The following SUGCT variants were observed in gnomAD, a reference collection of about 807,000 sequenced individuals.
SUGCT encodes succinyl-CoA:glutarate-CoA transferase.
Under a neutral mutation model 55.0 loss-of-function variants are expected in SUGCT, and 41 were observed. The observed-to-expected ratio is 0.74, with a 90% confidence interval of 0.58 to 0.97. SUGCT has a LOEUF of 0.97. Ranked by LOEUF, SUGCT falls within the 50% of genes least tolerant of loss-of-function variation. The probability of loss-of-function intolerance (pLI) is 0.00; values close to 1 mark genes in which losing one functional copy is unlikely to be tolerated. For missense variants in SUGCT, 568 were observed against 547.8 expected (o/e 1.04, Z -0.37); for synonymous variants, 187 against 200.4 (o/e 0.93, Z 0.56).
intron 13 of SUGCT, among the ~76,000 whole-genome samples, chr7:40,845,389 C>A (rs1175996380): frequency 6.6e-6 from 1 of 152,144 alleles, no homozygotes; most frequent in Admixed American, 6.5e-5. Context: ...ACCCACACAG[C>A]CTCAGGTCCA....
chr7:40,356,046 A>G (rs575473661), intron 9 of SUGCT, among the ~76,000 whole-genome samples: 24 of 152,372 alleles, frequency 1.6e-4, no homozygotes, highest in African/African-American at 5.5e-4. Context: ...TGGATTTTGA[A>G]ATATGGAAAT....
At chr7:40,877,772 G>A in the SUGCT span, among the ~76,000 whole-genome samples, 1 of 152,212 alleles carries the variant, frequency 6.6e-6, no homozygotes, top group Non-Finnish European at 1.5e-5. Context: ...TCCATATGCT[G>A]CTGAATCTTC....
At chr7:40,270,150 A>AG (rs1281298970) in intron 7 of SUGCT, among the ~76,000 whole-genome samples, 1 of 151,874 alleles carries the variant, frequency 6.6e-6, no homozygotes, top group Non-Finnish European at 1.5e-5. Context: ...AAAAAAAAAA[A>AG]AAAAAGAAAT....
intron 11 of SUGCT, among the ~76,000 whole-genome samples, chr7:40,485,417 C>CTTTTTTTTTTTTTT (rs397889166): frequency 1.2e-4 from 9 of 74,444 alleles, no homozygotes; most frequent in East Asian, 4.3e-4. Context: ...TATATACATT[C>CTTTTTTTTTTTTTT]TTTTTTTTTT....
intron 1 of SUGCT, among the ~76,000 whole-genome samples, chr7:40,175,446 C>G (rs989489803): frequency 1.3e-5 from 2 of 152,174 alleles, no homozygotes; most frequent in Non-Finnish European, 2.9e-5. Context: ...TCTCTGACTC[C>G]TGACCTTAAG....
the SUGCT span, among the ~76,000 whole-genome samples, chr7:40,882,995 T>G: frequency 6.6e-6 from 1 of 152,202 alleles, no homozygotes; most frequent in Non-Finnish European, 1.5e-5. Context: ...TTTCTCCTCC[T>G]TCTTCCTAGG....
chr7:40,242,933 A>ATATATATATATATATGTATATT (rs1270335224), intron 7 of SUGCT, among the ~76,000 whole-genome samples: 2 of 17,204 alleles, frequency 1.2e-4, no homozygotes, highest in African/African-American at 3.0e-4. Flanking sequence ...ATATATATAT[A>ATATATATATATATATGTATATT]TTTTTTTTTT....
At chr7:40,661,116 A>T (rs1458544037) in intron 12 of SUGCT, among the ~76,000 whole-genome samples, 1 of 152,232 alleles carries the variant, frequency 6.6e-6, no homozygotes, top group East Asian at 1.9e-4. Context: ...GATGGACTAG[A>T]GGACTCACTT....
chr7:40,439,257 G>A (rs529283382), intron 9 of SUGCT, among the ~76,000 whole-genome samples: 102 of 150,044 alleles, frequency 6.8e-4, no homozygotes, highest in South Asian at 2.1e-3. Flanking sequence ...ACCATCCATC[G>A]TCTCTTGTTC....
intron 9 of SUGCT, among the ~76,000 whole-genome samples, chr7:40,440,387 C>T (rs1483171364): frequency 6.6e-6 from 1 of 151,960 alleles, no homozygotes; most frequent in East Asian, 1.9e-4. Flanking sequence ...TCTCAAACTC[C>T]TGGACTTAAG....
intron 9 of SUGCT, among the ~76,000 whole-genome samples, chr7:40,318,231 T>A (rs1330939054): frequency 6.6e-6 from 1 of 152,204 alleles, no homozygotes; most frequent in Non-Finnish European, 1.5e-5. Flanking sequence ...CTGCTACCTT[T>A]GATAAGAAAA....
At chr7:40,951,530 T>G in the SUGCT span, among the ~76,000 whole-genome samples, 1 of 152,216 alleles carries the variant, frequency 6.6e-6, no homozygotes, top group South Asian at 2.1e-4. Context: ...TCTCTAGTTC[T>G]TTTAATTGTG....
the SUGCT span, among the ~76,000 whole-genome samples, chr7:40,979,069 C>T: frequency 6.6e-6 from 1 of 152,138 alleles, no homozygotes; most frequent in Admixed American, 6.6e-5. Context: ...CCCATATTCA[C>T]AGTCCCTGGC....
the SUGCT span, among the ~76,000 whole-genome samples, chr7:40,950,833 T>C: frequency 1.1e-3 from 171 of 152,318 alleles, 2 homozygotes; most frequent in African/African-American, 3.9e-3. Context: ...GATAAGCTTT[T>C]TGATGTGTTG....
At chr7:40,575,528 T>TC (rs1201369189) in intron 12 of SUGCT, among the ~76,000 whole-genome samples, 1 of 151,154 alleles carries the variant, frequency 6.6e-6, no homozygotes, top group Admixed American at 6.6e-5. Flanking sequence ...TGCATCTACT[T>TC]CCCCCCACCC....
chr7:40,459,752 G>C (rs1789691066), intron 11 of SUGCT, among the ~76,000 whole-genome samples: 1 of 151,694 alleles, frequency 6.6e-6, no homozygotes, highest in Non-Finnish European at 1.5e-5. Flanking sequence ...TTGAGTTATG[G>C]GTCATAAAAT....
At chr7:40,253,337 A>T (rs1450875541) in intron 7 of SUGCT, among the ~76,000 whole-genome samples, 1 of 152,188 alleles carries the variant, frequency 6.6e-6, no homozygotes, top group East Asian at 1.9e-4. Flanking sequence ...CCACCCTCAC[A>T]GTGTTTCCAG....
chr7:40,152,869 T>G (rs1037551074), intron 1 of SUGCT, among the ~76,000 whole-genome samples: 5 of 151,990 alleles, frequency 3.3e-5, no homozygotes, highest in Non-Finnish European at 7.4e-5. Context: ...CCCGGCTAAT[T>G]TTTGTATTTG....
At chr7:40,564,217 T>G (rs1796001373) in intron 12 of SUGCT, among the ~76,000 whole-genome samples, 1 of 151,836 alleles carries the variant, frequency 6.6e-6, no homozygotes, top group African/African-American at 2.4e-5. Context: ...ACTAAAAAAA[T>G]ACAAAAAAAT....
Sources: allele counts gnomAD v4.1 joint callset (sites outside exome capture counted in the v4.1 genomes callset), GRCh38; gene constraint gnomAD v4.1.1; transcripts MANE v1.5; gene names NCBI Gene and HGNC (gene_info 2026-07-23, HGNC 2026-07-21).